Variants in MARCHF1 observed in about 807,000 individuals in gnomAD.
MARCHF1 encodes membrane associated ring-CH-type finger 1.
Under a neutral mutation model 54.2 loss-of-function variants are expected in MARCHF1, and 40 were observed. That is an observed-to-expected ratio of 0.74 (90% CI 0.57 to 0.96). MARCHF1 has a LOEUF of 0.96. MARCHF1 is among the 40% of genes least tolerant of loss of function. The pLI, the probability that MARCHF1 is intolerant of heterozygous loss-of-function variation, is 0.00. For missense variants in MARCHF1, 586 were observed against 656.5 expected, an observed-to-expected ratio of 0.89 and a Z score of 1.17; for synonymous variants, 236 against 236.3, an observed-to-expected ratio of 1.00 and a Z score of 0.01.
At chr4:163,811,419 C>G (rs190548267) in intron 4 of MARCHF1, among the ~76,000 whole-genome samples, 1 of 152,152 alleles carries the variant, frequency 6.6e-6, no homozygotes, top group Non-Finnish European at 1.5e-5. Flanking sequence ...CCTATAGTCC[C>G]AGCTACTTGG....
At chr4:163,717,806 T>A (rs1745313916) in intron 4 of MARCHF1, among the ~76,000 whole-genome samples, 1 of 152,186 alleles carries the variant, frequency 6.6e-6, no homozygotes, top group Non-Finnish European at 1.5e-5. Context: ...TTTTGAGAAG[T>A]GTCTGTTCAT....
chr4:163,832,715 A>G (rs1453581644), intron 4 of MARCHF1, among the ~76,000 whole-genome samples: 1 of 149,152 alleles, frequency 6.7e-6, no homozygotes, highest in Non-Finnish European at 1.5e-5. Context: ...CATTAGGTAT[A>G]TCTCCTAATG....
rs1403074146 is a variant in MARCHF1 at position 163,978,161 on chromosome 4, A to T, written c.-39+10340T>A. 2.6e-5 allele frequency among the ~76,000 whole-genome samples: 4 copies of T among 152,342 alleles called. No individual in the cohort carries two copies. The East Asian group carries it at 7.7e-4, about 29-fold the overall frequency. On this transcript the variant is annotated intron_variant, in intron 3 of 9. Transcript: ENST00000514618. ...TTTCACTTATCTAAGGCAAACAAAC[A>T]TGGTCTGTTTAAGTAGAGGTCAGGC...
At chr4:163,630,612 G>C (rs1579131024) in intron 5 of MARCHF1, among the ~76,000 whole-genome samples, 1 of 152,126 alleles carries the variant, frequency 6.6e-6, no homozygotes, top group African/African-American at 2.4e-5. Context: ...AATTTGATAA[G>C]AATAAAGTTT....
intron 1 of MARCHF1, among the ~76,000 whole-genome samples, chr4:164,114,771 A>G (rs1207763761): frequency 6.6e-6 from 1 of 151,670 alleles, no homozygotes; most frequent in Non-Finnish European, 1.5e-5. Context: ...GGAACATTGC[A>G]AAAATTTTGG....
At chr4:164,200,746 ACAAT>A (rs1448826887) in intron 1 of MARCHF1, among the ~76,000 whole-genome samples, 1 of 152,262 alleles carries the variant, frequency 6.6e-6, no homozygotes, top group Non-Finnish European at 1.5e-5. Flanking sequence ...AAAGAAATAA[ACAAT>A]CAAAGTAGAT....
chr4:163,566,341 G>T (rs1739645358), intron 8 of MARCHF1, among the ~76,000 whole-genome samples: 1 of 152,184 alleles, frequency 6.6e-6, no homozygotes. Context: ...GATTGTGGAA[G>T]TGAATTGGGA....
At chr4:164,181,097 CCA>C (rs1730821835) in intron 1 of MARCHF1, among the ~76,000 whole-genome samples, 1 of 152,104 alleles carries the variant, frequency 6.6e-6, no homozygotes, top group African/African-American at 2.4e-5. Context: ...TTGCAAGCTC[CCA>C]CAGTGTGGGG....
chr4:163,649,779 C>T (rs72991568), intron 5 of MARCHF1, among the ~76,000 whole-genome samples: 3,737 of 151,692 alleles, frequency 0.025, 65 homozygotes, highest in South Asian at 0.026. Context: ...CATTGTGTGC[C>T]TGATACAATT....
chr4:163,965,076 A>G (rs1229740164), intron 3 of MARCHF1, among the ~76,000 whole-genome samples: 1 of 152,038 alleles, frequency 6.6e-6, no homozygotes, highest in African/African-American at 2.4e-5. Context: ...CACCAGTGTT[A>G]TATTTTTAAG....
At chr4:163,955,887 G>A (rs1459710428) in intron 3 of MARCHF1, among the ~76,000 whole-genome samples, 5 of 151,980 alleles carry the variant, frequency 3.3e-5, no homozygotes, top group Non-Finnish European at 5.9e-5. Flanking sequence ...CATGTATTTT[G>A]AACACAGATG....
At chr4:163,799,367 TA>T (rs544667477) in intron 4 of MARCHF1, among the ~76,000 whole-genome samples, 1 of 152,156 alleles carries the variant, frequency 6.6e-6, no homozygotes, top group Non-Finnish European at 1.5e-5. Flanking sequence ...CATAGAAGAA[TA>T]TACATCTTAT....
At chr4:164,117,587 C>A (rs1436381941) in intron 1 of MARCHF1, among the ~76,000 whole-genome samples, 1 of 151,888 alleles carries the variant, frequency 6.6e-6, no homozygotes, top group East Asian at 1.9e-4. Context: ...ATGTAATGAA[C>A]ATGTAAATAA....
intron 5 of MARCHF1, among the ~76,000 whole-genome samples, chr4:163,679,420 C>T (rs936547916): frequency 6.6e-6 from 1 of 152,126 alleles, no homozygotes; most frequent in Non-Finnish European, 1.5e-5. Context: ...CCCACATCTT[C>T]ATCCCGGTAA....
intron 1 of MARCHF1, among the ~76,000 whole-genome samples, chr4:164,367,689 G>A (rs1377001463): frequency 2.0e-5 from 3 of 147,954 alleles, no homozygotes; most frequent in Non-Finnish European, 3.0e-5. Flanking sequence ...TACAACGTTT[G>A]TTTACATTAT....
At chr4:164,182,553 A>G (rs1274210579) in intron 1 of MARCHF1, among the ~76,000 whole-genome samples, 1 of 151,898 alleles carries the variant, frequency 6.6e-6, no homozygotes, top group African/African-American at 2.4e-5. Flanking sequence ...CTATACATGT[A>G]TCCATAACAT....
Position 163,621,076 on chromosome 4 carries a change from AG to A in MARCHF1, c.163-7684del, listed in dbSNP as rs1741679353. On this transcript the variant is annotated intron_variant, in intron 5 of 9. Coordinates refer to ENST00000514618, the MANE Select transcript of MARCHF1 (RefSeq NM_001394959.1). ...TAGTCAATAATAACATCCACATAAA[AG>A]GATTGTGAGGATAATAACATGAAAT... 2.6e-5 allele frequency among the ~76,000 whole-genome samples: 4 copies of A among 152,324 alleles called. No individual in the cohort carries two copies. The South Asian group carries it at 8.3e-4, about 32-fold the overall frequency.
intron 8 of MARCHF1, chr4:163,585,440 T>C (rs986072961): frequency 5.7e-6 from 1 of 175,226 alleles, no homozygotes; most frequent in Non-Finnish European, 1.2e-5. Flanking sequence ...TTCAATTACA[T>C]TGAATTACAA....
At chr4:164,024,249 T>A (rs1753723462) in intron 2 of MARCHF1, among the ~76,000 whole-genome samples, 1 of 152,106 alleles carries the variant, frequency 6.6e-6, no homozygotes, top group Non-Finnish European at 1.5e-5. Flanking sequence ...CCCTGCTAGA[T>A]ACCATACAAG....
Sources: gnomAD v4.1 joint callset for allele counts (sites outside exome capture counted in the v4.1 genomes callset) on GRCh38, gnomAD v4.1.1 for gene constraint, MANE v1.5 for transcripts, NCBI Gene and HGNC (gene_info 2026-07-23, HGNC 2026-07-21) for gene names.